SIK3: variants seen among roughly 807,000 people sequenced by gnomAD.
SIK3 encodes SIK family kinase 3.
Under a neutral mutation model 144.2 loss-of-function variants are expected in SIK3, and 28 were observed. That is an observed-to-expected ratio of 0.19 (90% CI 0.14 to 0.27). The LOEUF (loss-of-function observed/expected upper bound fraction) is 0.27. SIK3 is among the 10% of genes least tolerant of loss of function. SIK3 has a pLI of 1.00. For synonymous variants in SIK3, 686 were observed against 676.3 expected, an observed-to-expected ratio of 1.01 and a Z score of -0.22; for missense variants, 1,319 against 1,776.0, an observed-to-expected ratio of 0.74 and a Z score of 4.62.
chr11:116,888,437 CT>C (rs1273658355), intron 6 of SIK3, among the ~76,000 whole-genome samples: 7 of 152,218 alleles, frequency 4.6e-5, no homozygotes, highest in Admixed American at 1.3e-4. Flanking sequence ...AGAAAAAGGA[CT>C]CTGGGACAGA....
chr11:116,947,184 A>AATATATAATATATGAATTATTTATATATT (rs1491357440), intron 3 of SIK3, among the ~76,000 whole-genome samples: 1 of 121,590 alleles, frequency 8.2e-6, no homozygotes, highest in African/African-American at 3.7e-5. Context: ...ATTTATATAT[A>AATATATAATATATGAATTATTTATATATT]ATATATTATA....
intron 1 of SIK3, among the ~76,000 whole-genome samples, chr11:117,062,411 T>A (rs867003759): frequency 6.6e-6 from 1 of 152,176 alleles, no homozygotes; most frequent in African/African-American, 2.4e-5. Flanking sequence ...ACAACGTGCA[T>A]TTCCATTGGC....
chr11:117,070,401 T>C (rs1429843766), intron 1 of SIK3, among the ~76,000 whole-genome samples: 3 of 151,896 alleles, frequency 2.0e-5, no homozygotes, highest in African/African-American at 2.4e-5. Flanking sequence ...CAGTGAGCCA[T>C]GATTGTGCCA....
intron 5 of SIK3, 141 bp downstream of exon 5, chr11:116,897,052 G>A: frequency 1.4e-6 from 1 of 706,674 alleles, no homozygotes; most frequent in Non-Finnish European, 2.1e-6. Flanking sequence ...AAAAGGCTTT[G>A]CACAGGAATT....
In SIK3 at chr11:116,844,780, G is replaced by A. The variant is rs1033327802; in HGVS notation, c.*863C>T. 2 of 150,052 alleles carry A rather than the reference G, an allele frequency of 1.3e-5. No homozygotes were observed. The highest frequency in any genetic ancestry group is 2.4e-5 in the African/African-American group (1 of 40,904). The allele number at this position is 150,052 out of a possible 1,614,324, so 9.3% of individuals were successfully genotyped here. A position where few individuals can be genotyped will look rare whatever the true frequency, so the allele number is the denominator to read the frequency against. On this transcript the variant is annotated 3_prime_UTR_variant, in exon 25 of 25. Transcript: ENST00000445177. ...TGAAAGATGCCATAGAAAGCATAGTGCACTGCTGTTGGGTGTTCAGTCCAT... is the reference window on the plus strand; with the variant it reads ...TGAAAGATGCCATAGAAAGCATAGTACACTGCTGTTGGGTGTTCAGTCCAT...
intron 4 of SIK3, among the ~76,000 whole-genome samples, chr11:116,918,770 G>GT (rs1199909677): frequency 6.6e-6 from 1 of 152,146 alleles, no homozygotes; most frequent in Non-Finnish European, 1.5e-5. Flanking sequence ...GTTAAACTAA[G>GT]TTAATAATCT....
At chr11:116,905,819 A>T (rs1183347604) in intron 4 of SIK3, among the ~76,000 whole-genome samples, 1 of 152,170 alleles carries the variant, frequency 6.6e-6, no homozygotes, top group Non-Finnish European at 1.5e-5. Context: ...TTATCTTTTT[A>T]TTATTGAGTT....
rs145958875 is a variant in SIK3 at position 116,846,508 on chromosome 11, T to C, written c.3998A>G (p.Asp1333Gly). The C allele has an allele frequency of 8.7e-5, 141 of 1,614,158 alleles. No individual in the cohort carries two copies. In the African/African-American group the frequency reaches 1.6e-3, roughly 19 times the overall value. ...LGGHEHPDLS[D>G]GSQHLNSSCY... ...AGAGGAGTTTAAATGCTGGCTGCCATCACTCAGGTCTGGGTGCTCATGACC... is the reference window on the plus strand; with the variant it reads ...AGAGGAGTTTAAATGCTGGCTGCCACCACTCAGGTCTGGGTGCTCATGACC... Residue 1333 changes from aspartate to glycine, a missense_variant, in exon 24 of 25, where the codon GAT (aspartate) becomes GGT (glycine). By Grantham distance (94) the Asp-to-Gly change is moderately conservative (BLOSUM62 -1). Around this residue, in one of 8 missense-constraint regions of SIK3, gnomAD observed 646 missense variants for 763.7 expected, o/e 0.85. Transcript: ENST00000445177. The surrounding 1 kb of genome is among the most constrained non-coding windows in gnomAD (Gnocchi z 4.1).
At chr11:116,994,885 C>T (rs1341632464) in intron 1 of SIK3, among the ~76,000 whole-genome samples, 2 of 150,902 alleles carry the variant, frequency 1.3e-5, no homozygotes, top group Non-Finnish European at 3.0e-5. Context: ...TTTTTGTGTC[C>T]ACCTCTGCAG....
At chr11:117,034,130 T>A (rs1952389267) in intron 1 of SIK3, among the ~76,000 whole-genome samples, 1 of 152,102 alleles carries the variant, frequency 6.6e-6, no homozygotes, top group African/African-American at 2.4e-5. Flanking sequence ...AAAGAAAACT[T>A]AAATCTAACA....
intron 4 of SIK3, among the ~76,000 whole-genome samples, chr11:116,910,679 T>TA (rs1258607976): frequency 6.6e-6 from 1 of 151,988 alleles, no homozygotes; most frequent in Non-Finnish European, 1.5e-5. Flanking sequence ...CCAGAAGACA[T>TA]AAAGTAAACT....
intron 11 of SIK3, among the ~76,000 whole-genome samples, chr11:116,874,566 AG>A (rs1488056050): frequency 1.3e-5 from 2 of 152,270 alleles, no homozygotes; most frequent in Non-Finnish European, 2.9e-5. Context: ...AGAGCGACTC[AG>A]GGCTCCACCC....
At chr11:116,947,438 T>C (rs1948708033) in intron 3 of SIK3, among the ~76,000 whole-genome samples, 1 of 149,996 alleles carries the variant, frequency 6.7e-6, no homozygotes, top group African/African-American at 2.4e-5. Context: ...CAGTCAAGAA[T>C]TCAGATGCTA....
At chr11:116,876,045 G>A (rs767769167) in intron 8 of SIK3, 36 bp from the exon 9 acceptor site, 3 of 1,610,412 alleles carry the variant, frequency 1.9e-6, no homozygotes, top group African/African-American at 2.7e-5. Flanking sequence ...ACAAAACCCT[G>A]GTGAAATGGC....
At chr11:117,035,720 A>C in intron 1 of SIK3, 1 of 1,024,152 alleles carries the variant, frequency 9.8e-7, no homozygotes, top group Non-Finnish European at 1.5e-6. Context: ...ATGCCCGGCT[A>C]ATTGTTTTAA....
At chr11:117,041,270 C>T (rs756050184) in intron 1 of SIK3, among the ~76,000 whole-genome samples, 1 of 151,988 alleles carries the variant, frequency 6.6e-6, no homozygotes, top group Non-Finnish European at 1.5e-5. Context: ...TGGAAGAAAG[C>T]CAGGTTTCAC....
At chr11:116,897,426 T>A in intron 4 of SIK3, 109 bp from the exon 5 acceptor site, 1 of 1,004,644 alleles carries the variant, frequency 1.0e-6, no homozygotes. Flanking sequence ...GAATATTAAA[T>A]GCAAAAAGAG....
chr11:117,073,718 A>G (rs1295100229), intron 1 of SIK3, among the ~76,000 whole-genome samples: 1 of 152,204 alleles, frequency 6.6e-6, no homozygotes, highest in Non-Finnish European at 1.5e-5. Flanking sequence ...AATCAGCTTC[A>G]CACGTCCTTG....
intron 1 of SIK3, chr11:117,036,018 G>C (rs1952484885): frequency 1.4e-6 from 2 of 1,478,064 alleles, no homozygotes; most frequent in Non-Finnish European, 1.9e-6. Flanking sequence ...TCCTTTTCTG[G>C]AGAGGGATGA....
Sources: allele counts gnomAD v4.1 joint callset (sites outside exome capture counted in the v4.1 genomes callset), GRCh38; gene constraint gnomAD v4.1.1; regional missense constraint gnomAD v4.1.1; non-coding constraint Gnocchi (gnomAD v3.1); transcripts MANE v1.5; gene names NCBI Gene and HGNC (gene_info 2026-07-23, HGNC 2026-07-21).